The following ERI3 variants were observed in gnomAD, a reference collection of about 807,000 sequenced individuals.
The protein encoded by ERI3 is ERI1 exoribonuclease 3.
A neutral mutation model predicts 44.4 loss-of-function variants in ERI3; 18 were observed. The ratio of observed to expected loss-of-function variants is 0.41; its 90% confidence interval spans 0.28 to 0.60. The LOEUF is 0.60. ERI3 is among the 20% of genes least tolerant of loss of function. The pLI is 0.36. For synonymous variants in ERI3, 183 were observed against 164.8 expected (o/e 1.11, Z -0.84); for missense variants, 294 against 435.5 (o/e 0.68, Z 2.89).
intron 5 of ERI3, 112 bp downstream of exon 5, chr1:44,313,057 C>T: frequency 2.2e-6 from 2 of 904,970 alleles, no homozygotes. Context: ...AAATGTTATT[C>T]TAATCAAGCC....
Position 44,339,207 on chromosome 1 carries a change from G to A in ERI3, c.327C>T (p.Pro109=), listed in dbSNP as rs1397546240. 1.9e-6 allele frequency: 3 copies of A among 1,614,062 alleles called. No homozygotes were observed. The Admixed American group carries it at 5.0e-5, about 27-fold the overall frequency. The change falls in exon 3 of 9, where the codon CCC becomes CCT. Residue 109 remains proline, a synonymous_variant. Coordinates refer to ENST00000372257, the MANE Select transcript of ERI3 (RefSeq NM_024066.3). ...TGGAGCAGAACTCCGGAACACCACAGGGAGAAAATAAGTGGGAGCCCAGCA... is the reference window on the plus strand; with the variant it reads ...TGGAGCAGAACTCCGGAACACCACAAGGAGAAAATAAGTGGGAGCCCAGCA... ...RKVLGSHLFS[P]CGVPEFCSIS...
At chr1:44,321,353 C>G (rs766717404) in intron 3 of ERI3, among the ~76,000 whole-genome samples, 1 of 152,054 alleles carries the variant, frequency 6.6e-6, no homozygotes, top group Non-Finnish European at 1.5e-5. Context: ...GGCTGCAAGG[C>G]TGAGGCAGAG....
At chr1:44,246,414 C>T (rs957031947) in intron 8 of ERI3, among the ~76,000 whole-genome samples, 1 of 152,226 alleles carries the variant, frequency 6.6e-6, no homozygotes, top group African/African-American at 2.4e-5. Flanking sequence ...CTGGGTTTGG[C>T]GTCTTCTCTA....
chr1:44,352,769 T>G, intron 2 of ERI3, 81 bp downstream of exon 2: 1 of 1,482,628 alleles, frequency 6.7e-7, no homozygotes, highest in South Asian at 1.2e-5. Context: ...ACAATCTGCA[T>G]CAGCCCCCAC....
At chr1:44,247,886 G>A (rs779663035) in intron 8 of ERI3, 53 bp downstream of exon 8, 59 of 1,453,040 alleles carry the variant, frequency 4.1e-5, no homozygotes, top group South Asian at 9.7e-5. Flanking sequence ...ACTGGGGCAC[G>A]CGGGCAAGGG....
intron 7 of ERI3, among the ~76,000 whole-genome samples, chr1:44,273,127 A>C (rs1004691416): frequency 3.3e-5 from 5 of 152,208 alleles, no homozygotes; most frequent in Admixed American, 2.6e-4. Flanking sequence ...ACAAACTCAC[A>C]ATCGAGAAAT....
At chr1:44,247,697 CTG>C (rs1004874158) in intron 8 of ERI3, among the ~76,000 whole-genome samples, 2 of 152,128 alleles carry the variant, frequency 1.3e-5, no homozygotes, top group Non-Finnish European at 2.9e-5. Context: ...CCAAGGCCAT[CTG>C]TGACTCACCC....
chr1:44,241,855 A>G lies in ERI3; in HGVS notation c.931+6084T>C, dbSNP rs911666924. On this transcript the variant is annotated intron_variant, in intron 8 of 8. Coordinates refer to ENST00000372257, the MANE Select transcript of ERI3 (RefSeq NM_024066.3). This position sits in a 1 kb window ranked among gnomAD's most constrained non-coding sequence, Gnocchi z 5.6. Reference sequence around the variant, plus strand: ...ACATACATACATACATACATACAGGAGAACCTTCTTCCATCCATCTGTCCA... The same window carrying G: ...ACATACATACATACATACATACAGGGGAACCTTCTTCCATCCATCTGTCCA... 2.6e-4 allele frequency: 119 copies of G among 458,336 alleles called. No individual in the cohort carries two copies. The highest frequency in any genetic ancestry group is 3.1e-4 in the Non-Finnish European group (112 of 357,972). The allele number at this position is 458,336 out of a possible 1,614,324, so 28.4% of individuals were successfully genotyped here.
chr1:44,253,938 C>G (rs1644732226), intron 7 of ERI3, among the ~76,000 whole-genome samples: 1 of 152,208 alleles, frequency 6.6e-6, no homozygotes, highest in African/African-American at 2.4e-5. Context: ...TCCTCAGTCA[C>G]AGAAACCATG....
At chr1:44,331,348 G>A (rs943124850) in intron 3 of ERI3, among the ~76,000 whole-genome samples, 1 of 151,446 alleles carries the variant, frequency 6.6e-6, no homozygotes, top group Admixed American at 6.6e-5. Flanking sequence ...GAGGCGTCAT[G>A]TCATTCCCCA....
At chr1:44,293,171 G>A in intron 6 of ERI3, among the ~76,000 whole-genome samples, 1 of 152,250 alleles carries the variant, frequency 6.6e-6, no homozygotes. Flanking sequence ...TCATGGCGGA[G>A]CTGAGAACTA....
chr1:44,281,459 G>T (rs1236864505), intron 7 of ERI3, among the ~76,000 whole-genome samples: 1 of 151,456 alleles, frequency 6.6e-6, no homozygotes, highest in African/African-American at 2.4e-5. Context: ...ATAATGGTGG[G>T]CACTTGTAGT....
chr1:44,303,671 G>C (rs1353257455), intron 6 of ERI3, among the ~76,000 whole-genome samples: 1 of 152,122 alleles, frequency 6.6e-6, no homozygotes, highest in African/African-American at 2.4e-5. Flanking sequence ...GGTGGGGAGG[G>C]GTGTGGGGGT....
chr1:44,285,132 C>A (rs1572187446), intron 6 of ERI3, among the ~76,000 whole-genome samples: 1 of 152,324 alleles, frequency 6.6e-6, no homozygotes, highest in East Asian at 1.9e-4. Context: ...CCCAAAAATT[C>A]TTTCCAAAAT....
At chr1:44,294,546 G>A (rs1645571236) in intron 6 of ERI3, among the ~76,000 whole-genome samples, 1 of 152,170 alleles carries the variant, frequency 6.6e-6, no homozygotes, top group Admixed American at 6.5e-5. Context: ...TGCCTCTCCG[G>A]TGTCCTTTCC....
intron 6 of ERI3, among the ~76,000 whole-genome samples, chr1:44,291,468 G>A (rs1288035198): frequency 6.6e-6 from 1 of 152,128 alleles, no homozygotes; most frequent in Non-Finnish European, 1.5e-5. Flanking sequence ...GGTCTCAATC[G>A]ATCTCCTTAT....
chr1:44,257,522 G>A (rs1032100713), intron 7 of ERI3, among the ~76,000 whole-genome samples: 2 of 152,220 alleles, frequency 1.3e-5, no homozygotes, highest in African/African-American at 4.8e-5. Flanking sequence ...AAGCCAAACA[G>A]AGAGGCCCAA....
chr1:44,332,722 C>T (rs1013345634), intron 3 of ERI3, among the ~76,000 whole-genome samples: 6 of 152,194 alleles, frequency 3.9e-5, no homozygotes, highest in Non-Finnish European at 8.8e-5. Context: ...ACACAGCAAA[C>T]GCTTGTTCCC....
At chr1:44,242,102 AC>A (rs1644451739) in intron 8 of ERI3, 1 of 985,562 alleles carries the variant, frequency 1.0e-6, no homozygotes, top group Non-Finnish European at 1.2e-6. Flanking sequence ...GGGAGAGTTA[AC>A]CCTTCTCATG....
Sources: allele counts gnomAD v4.1 joint callset (sites outside exome capture counted in the v4.1 genomes callset), GRCh38; gene constraint gnomAD v4.1.1; non-coding constraint Gnocchi (gnomAD v3.1); transcripts MANE v1.5; gene names NCBI Gene and HGNC (gene_info 2026-07-23, HGNC 2026-07-21).